The following EBF2 variants were observed in gnomAD, a reference collection of about 807,000 sequenced individuals.
EBF2 encodes EBF transcription factor 2.
EBF2 carries 21 observed loss-of-function variants against 72.8 expected under a neutral mutation model. The observed-to-expected ratio is 0.29, with a 90% CI of 0.20 to 0.42. The LOEUF (loss-of-function observed/expected upper bound fraction) is 0.42. Among genes scored for constraint, EBF2 ranks in the 10% least tolerant of loss-of-function variants. The pLI is 1.00. For synonymous variants in EBF2, 299 were observed against 274.2 expected (o/e 1.09, Z -0.89); for missense variants, 637 against 731.2 (o/e 0.87, Z 1.49).
At chr8:25,962,990 G>A (rs1198540983) in intron 6 of EBF2, among the ~76,000 whole-genome samples, 1 of 152,194 alleles carries the variant, frequency 6.6e-6, no homozygotes, top group Non-Finnish European at 1.5e-5. Flanking sequence ...GTGCTCTTCT[G>A]GAGGGGCAGG....
intron 6 of EBF2, among the ~76,000 whole-genome samples, chr8:25,920,395 A>C (rs1585195762): frequency 6.6e-6 from 1 of 152,224 alleles, no homozygotes; most frequent in East Asian, 1.9e-4. Context: ...CTGGCCTGAG[A>C]CTAGAGCAGA....
At chr8:25,980,416 G>A (rs1024341514) in intron 6 of EBF2, among the ~76,000 whole-genome samples, 1 of 152,006 alleles carries the variant, frequency 6.6e-6, no homozygotes, top group Non-Finnish European at 1.5e-5. Context: ...ACAATGGTAA[G>A]CGTGCTGTAA....
At chr8:25,915,988 A>C (rs1803207330) in intron 6 of EBF2, among the ~76,000 whole-genome samples, 1 of 152,280 alleles carries the variant, frequency 6.6e-6, no homozygotes, top group African/African-American at 2.4e-5. Context: ...ACTTTCAGTA[A>C]CAATTAAAGA....
chr8:25,965,465 T>G (rs1187779144), intron 6 of EBF2, among the ~76,000 whole-genome samples: 1 of 152,194 alleles, frequency 6.6e-6, no homozygotes, highest in Non-Finnish European at 1.5e-5. Context: ...CTAACGACTT[T>G]GGAGATTGAG....
chr8:25,918,243 A>G (rs1435580388), intron 6 of EBF2, among the ~76,000 whole-genome samples: 2 of 152,170 alleles, frequency 1.3e-5, no homozygotes, highest in Non-Finnish European at 2.9e-5. Context: ...TGACCTTGAG[A>G]TTGTGCATCT....
intron 6 of EBF2, among the ~76,000 whole-genome samples, chr8:25,969,754 G>C (rs918076296): frequency 6.6e-6 from 1 of 152,174 alleles, no homozygotes; most frequent in African/African-American, 2.4e-5. Context: ...ACCCAGGCTG[G>C]AGGGCAGTGG....
At chr8:25,878,875 G>A (rs1802563678) in intron 10 of EBF2, among the ~76,000 whole-genome samples, 1 of 152,098 alleles carries the variant, frequency 6.6e-6, no homozygotes, top group Admixed American at 6.6e-5. Context: ...GGCAGTTTCT[G>A]GAAGAAGCAC....
intron 6 of EBF2, among the ~76,000 whole-genome samples, chr8:26,017,072 C>T (rs1252222386): frequency 6.6e-6 from 1 of 151,736 alleles, no homozygotes; most frequent in Non-Finnish European, 1.5e-5. Flanking sequence ...CCCCAAGGAC[C>T]TTTCCAGACT....
chr8:26,041,462 A>T, intron 2 of EBF2: 1 of 185,796 alleles, frequency 5.4e-6, no homozygotes, highest in South Asian at 1.2e-4. Flanking sequence ...ACTGAGTTCC[A>T]GGTTCAGGAG....
At chr8:26,005,282 TATAATTATATAATTATATA>T (rs1563205539) in intron 6 of EBF2, among the ~76,000 whole-genome samples, 1 of 608 alleles carries the variant, frequency 1.6e-3, no homozygotes, top group Non-Finnish European at 2.2e-3. Flanking sequence ...TATATAATTA[TATAATTATATAATTATATA>T]TAATTATATA....
intron 7 of EBF2, among the ~76,000 whole-genome samples, chr8:25,905,995 T>C (rs1400125049): frequency 6.6e-6 from 1 of 152,186 alleles, no homozygotes; most frequent in Non-Finnish European, 1.5e-5. Flanking sequence ...TTCTATATCA[T>C]TTTGAGATCA....
chr8:26,038,922 A>C (rs889171279), intron 5 of EBF2, among the ~76,000 whole-genome samples: 3 of 152,208 alleles, frequency 2.0e-5, no homozygotes, highest in African/African-American at 7.2e-5. Context: ...AAATCAGATA[A>C]TCTGCAATTA....
rs1465346942 is a variant in EBF2 at position 25,983,330 on chromosome 8, A to C, written c.551+49755T>G. 2.0e-5 allele frequency among the ~76,000 whole-genome samples: 3 copies of C among 152,354 alleles called. No individual in the cohort carries two copies. In the East Asian group the frequency reaches 5.8e-4, roughly 29 times the overall value. On this transcript the variant is annotated intron_variant, in intron 6 of 15. Transcript: ENST00000520164. Reference sequence around the variant, plus strand: ...TCAAACGTGTAAAAATGCGCCTGTGAAAAAGACGGAAGGGGACACACAAAA... The same window carrying C: ...TCAAACGTGTAAAAATGCGCCTGTGCAAAAGACGGAAGGGGACACACAAAA...
intron 7 of EBF2, among the ~76,000 whole-genome samples, chr8:25,895,694 G>A (rs924435808): frequency 1.3e-5 from 2 of 152,192 alleles, no homozygotes; most frequent in African/African-American, 2.4e-5. Context: ...GAGTTGTAAA[G>A]GAGCCCTTTC....
intron 6 of EBF2, among the ~76,000 whole-genome samples, chr8:26,019,484 T>C (rs978198506): frequency 5.9e-5 from 9 of 152,280 alleles, no homozygotes; most frequent in African/African-American, 2.2e-4. Context: ...AGAATATTGG[T>C]TCCATGGCAC....
chr8:25,884,631 C>T (rs539862887), intron 10 of EBF2, among the ~76,000 whole-genome samples: 4 of 152,250 alleles, frequency 2.6e-5, no homozygotes, highest in African/African-American at 4.8e-5. Context: ...CTTCTATACC[C>T]GTGAGCTTAG....
chr8:25,857,852 A>G (rs1802125559), intron 14 of EBF2, among the ~76,000 whole-genome samples: 1 of 152,216 alleles, frequency 6.6e-6, no homozygotes, highest in Admixed American at 6.5e-5. Context: ...GACTGTGCCT[A>G]AATTATTACC....
At position 25,844,544 on chromosome 8, in the gene EBF2, A is replaced by G; in HGVS notation, c.*65T>C. On this transcript the variant is annotated 3_prime_UTR_variant, in exon 16 of 16. Coordinates refer to ENST00000520164, the MANE Select transcript of EBF2 (RefSeq NM_022659.4). ...CCACTACACCCCCAAAAGAGCTCCT[A>G]GTGCTTTCTTCATTATTGGTCCATC... The G allele has an allele frequency of 6.3e-7, 1 of 1,587,212 alleles. No homozygotes were observed. The highest frequency in any genetic ancestry group is 8.7e-7 in the Non-Finnish European group (1 of 1,155,834).
chr8:26,041,872 G>C (rs1280340718), intron 2 of EBF2, among the ~76,000 whole-genome samples: 1 of 152,166 alleles, frequency 6.6e-6, no homozygotes, highest in African/African-American at 2.4e-5. Flanking sequence ...CTCCAGGCTC[G>C]GTGCGCAGAG....
Sources: allele counts gnomAD v4.1 joint callset (sites outside exome capture counted in the v4.1 genomes callset), GRCh38; gene constraint gnomAD v4.1.1; transcripts MANE v1.5; gene names NCBI Gene and HGNC (gene_info 2026-07-23, HGNC 2026-07-21).